COL5A2: variants seen among roughly 807,000 people sequenced by gnomAD.
COL5A2 encodes the protein collagen alpha-2(V) chain.
COL5A2 carries 23 observed loss-of-function variants against 208.2 expected under a neutral mutation model. That is an observed-to-expected ratio of 0.11 (90% CI 0.08 to 0.16). COL5A2 has a LOEUF of 0.16. Ranked by LOEUF, COL5A2 falls within the 10% of genes least tolerant of loss-of-function variation. The pLI is 1.00. For synonymous variants in COL5A2, 625 were observed against 628.5 expected, an observed-to-expected ratio of 0.99 and a Z score of 0.08; for missense variants, 1,590 against 1,956.4, an observed-to-expected ratio of 0.81 and a Z score of 3.53.
At chr2:189,057,486 T>A in intron 33 of COL5A2, 59 bp from the exon 34 acceptor site, 1 of 1,339,290 alleles carries the variant, frequency 7.5e-7, no homozygotes, top group Non-Finnish European at 1.1e-6. Flanking sequence ...ACTAATGAAA[T>A]TGCTTTTTAG....
chr2:189,292,820 C>T, the COL5A2 span, among the ~76,000 whole-genome samples: 1 of 152,100 alleles, frequency 6.6e-6, no homozygotes, highest in African/African-American at 2.4e-5. Flanking sequence ...TTTATTGTGG[C>T]ACTATTCACA....
At chr2:189,422,474 C>T in the COL5A2 span, among the ~76,000 whole-genome samples, 2 of 152,058 alleles carry the variant, frequency 1.3e-5, no homozygotes, top group Admixed American at 1.3e-4. Context: ...CAATACCCTG[C>T]TTTTAGCAAT....
At chr2:189,047,156 A>C (rs1313436766) in intron 45 of COL5A2, among the ~76,000 whole-genome samples, 1 of 152,042 alleles carries the variant, frequency 6.6e-6, no homozygotes, top group African/African-American at 2.4e-5. Context: ...GCACTTGTAC[A>C]TTTAGAATTT....
intron 1 of COL5A2, among the ~76,000 whole-genome samples, chr2:189,162,303 A>C (rs1310230684): frequency 6.6e-6 from 1 of 152,232 alleles, no homozygotes; most frequent in African/African-American, 2.4e-5. Flanking sequence ...CATGTTTACC[A>C]AATTAATGAA....
chr2:189,084,124 T>G (rs948208099), intron 11 of COL5A2, 87 bp from the exon 12 acceptor site: 2 of 908,656 alleles, frequency 2.2e-6, no homozygotes, highest in Non-Finnish European at 3.6e-6. Context: ...AAATTACTAA[T>G]AAAACAGTCT....
At chr2:189,419,433 T>A in the COL5A2 span, among the ~76,000 whole-genome samples, 1 of 152,264 alleles carries the variant, frequency 6.6e-6, no homozygotes, top group East Asian at 1.9e-4. Flanking sequence ...ACAAAACAAG[T>A]AGAACCACAA....
At chr2:189,340,658 A>G in the COL5A2 span, among the ~76,000 whole-genome samples, 2 of 152,182 alleles carry the variant, frequency 1.3e-5, no homozygotes, top group African/African-American at 4.8e-5. Flanking sequence ...TTTCCACAAT[A>G]GTCCCTGGGC....
chr2:189,202,185 G>A (rs1039528413), intron 1 of COL5A2, among the ~76,000 whole-genome samples: 1 of 151,828 alleles, frequency 6.6e-6, no homozygotes, highest in Non-Finnish European at 1.5e-5. Flanking sequence ...CTAGCAGTGG[G>A]GGGAGAATAC....
the COL5A2 span, among the ~76,000 whole-genome samples, chr2:189,363,051 A>G: frequency 6.6e-6 from 1 of 152,156 alleles, no homozygotes; most frequent in Non-Finnish European, 1.5e-5. Flanking sequence ...AAGAAAACAT[A>G]CTAAAAAATG....
chr2:189,060,731 T>G lies in COL5A2; in HGVS notation c.2084A>C (p.Gln695Pro), dbSNP rs772967168. The G allele has an allele frequency of 1.2e-6, 2 of 1,612,606 alleles. No individual in the cohort carries two copies. The highest frequency in any genetic ancestry group is 1.7e-6 in the Non-Finnish European group (2 of 1,178,688). ...PPGEGGKPGD[Q>P]GVPGDPGAVG... ...CATTATTATTATTTAAACACTTACTTGATCACCTGGTTTTCCACCTTCTCC... is the reference window on the plus strand; with the variant it reads ...CATTATTATTATTTAAACACTTACTGGATCACCTGGTTTTCCACCTTCTCC... Residue 695 changes from glutamine to proline, a missense_variant and splice_region_variant, in exon 31 of 54, where the codon CAA (glutamine) becomes CCA (proline). Gln to Pro is a moderately conservative substitution (Grantham distance 76). Coordinates refer to ENST00000374866, the MANE Select transcript of COL5A2 (RefSeq NM_000393.5).
chr2:189,099,506 T>C (rs1687005286), intron 4 of COL5A2, among the ~76,000 whole-genome samples: 1 of 152,118 alleles, frequency 6.6e-6, no homozygotes, highest in South Asian at 2.1e-4. Flanking sequence ...TTGCCTGTAG[T>C]CCCAGCTGCT....
chr2:189,397,238 T>G, the COL5A2 span, among the ~76,000 whole-genome samples: 2 of 152,032 alleles, frequency 1.3e-5, no homozygotes, highest in Non-Finnish European at 2.9e-5. Flanking sequence ...ACAGTAACAG[T>G]TCTCTTCTTT....
chr2:189,041,481 G>T (rs1448054497), intron 50 of COL5A2, 105 bp downstream of exon 50: 2 of 879,676 alleles, frequency 2.3e-6, no homozygotes, highest in African/African-American at 1.6e-5. Context: ...TTGTTTTCGG[G>T]GTCCCTTAAG....
chr2:189,226,116 G>A (rs1242589759), upstream of COL5A2, among the ~76,000 whole-genome samples: 1 of 152,086 alleles, frequency 6.6e-6, no homozygotes, highest in Non-Finnish European at 1.5e-5. Context: ...TGCAATAAAA[G>A]TGCTTAATAA....
At chr2:189,324,514 C>G in the COL5A2 span, among the ~76,000 whole-genome samples, 1 of 152,190 alleles carries the variant, frequency 6.6e-6, no homozygotes, top group East Asian at 1.9e-4. Flanking sequence ...AGGATATGAG[C>G]AGACATTTCT....
chr2:189,159,400 A>G (rs536694285), intron 1 of COL5A2, among the ~76,000 whole-genome samples: 31 of 152,222 alleles, frequency 2.0e-4, no homozygotes, highest in Non-Finnish European at 3.4e-4. Context: ...CCCAGAAAGC[A>G]CTCAATAAAT....
chr2:189,158,165 C>T (rs980262982), intron 1 of COL5A2, among the ~76,000 whole-genome samples: 5 of 151,860 alleles, frequency 3.3e-5, no homozygotes, highest in East Asian at 1.9e-4. Context: ...GTGCAATGAC[C>T]GACTCCATAG....
In COL5A2 at chr2:189,179,622, G is replaced by A. The variant is rs1688746850; in HGVS notation, c.-18C>T. 1.3e-6 allele frequency: 2 copies of A among 1,592,478 alleles called. No individual in the cohort carries two copies. Among genetic ancestry groups the A allele is most frequent in the South Asian group, 2.3e-5 (2 of 88,396 alleles). Reference sequence around the variant, plus strand: ...GCCATCATGTCTAAATATTAGACATGTGGGTTCTCCTGAGAGTGAAAAGTA... The same window carrying A: ...GCCATCATGTCTAAATATTAGACATATGGGTTCTCCTGAGAGTGAAAAGTA... On this transcript the variant is annotated 5_prime_UTR_variant, in exon 1 of 54. Coordinates refer to ENST00000374866, the MANE Select transcript of COL5A2 (RefSeq NM_000393.5).
the COL5A2 span, among the ~76,000 whole-genome samples, chr2:189,332,387 G>A: frequency 6.6e-6 from 1 of 152,068 alleles, no homozygotes; most frequent in Non-Finnish European, 1.5e-5. Context: ...AACATATACT[G>A]GGCCATAAAT....
Sources: gnomAD v4.1 joint callset for allele counts (sites outside exome capture counted in the v4.1 genomes callset) on GRCh38, gnomAD v4.1.1 for gene constraint, MANE v1.5 for transcripts, NCBI Gene and HGNC (gene_info 2026-07-23, HGNC 2026-07-21) for gene names.